DNAH8: variants seen among roughly 807,000 people sequenced by gnomAD.
The protein encoded by DNAH8 is axonemal beta dynein heavy chain 8.
Under a neutral mutation model 562.1 loss-of-function variants are expected in DNAH8, and 382 were observed. The observed-to-expected ratio is 0.68, with a 90% CI of 0.63 to 0.74. The LOEUF (loss-of-function observed/expected upper bound fraction) is 0.74. Among genes scored for constraint, DNAH8 ranks in the 30% least tolerant of loss-of-function variants. The pLI is 0.00. For missense variants in DNAH8, 5,203 were observed against 5,620.4 expected, an observed-to-expected ratio of 0.93 and a Z score of 2.37; for synonymous variants, 1,881 against 1,919.4, an observed-to-expected ratio of 0.98 and a Z score of 0.52.
intron 1 of DNAH8, among the ~76,000 whole-genome samples, chr6:38,715,956 ATATATTTTT>A (rs1243568328): frequency 3.7e-5 from 1 of 27,022 alleles, no homozygotes; most frequent in Admixed American, 5.9e-4. Context: ...ATATATATAT[ATATATTTTT>A]TTTTTTTTTT....
rs1371541132 is a variant in DNAH8 at position 38,874,060 on chromosome 6, TTC to T, written c.7620+686_7620+687del. Among the ~76,000 whole-genome samples the T allele has an allele frequency of 1.8e-3, 45 of 25,168 alleles. 7 individuals are homozygous for T. The highest frequency in any genetic ancestry group is 7.0e-3 in the African/African-American group (39 of 5,550). 16.5% of individuals were successfully genotyped at this position (25,168 alleles called of 152,430 possible). On this transcript the variant is annotated intron_variant, in intron 52 of 92. Coordinates refer to ENST00000327475, the MANE Select transcript of DNAH8 (RefSeq NM_001206927.2). Reference sequence around the variant, plus strand: ...TTCTTTTCTTTCTTTCTTTCTTTCTTTCTTTCTTTTTCTTTCTTTCTTTCTTT... The same window carrying T: ...TTCTTTTCTTTCTTTCTTTCTTTCTTTTTCTTTTTCTTTCTTTCTTTCTTT...
intron 82 of DNAH8, among the ~76,000 whole-genome samples, chr6:38,957,316 G>T (rs376902768): frequency 6.5e-4 from 97 of 148,490 alleles, no homozygotes; most frequent in Non-Finnish European, 9.2e-4. Context: ...TATAATAAAA[G>T]ATATAATTAA....
chr6:38,761,660 C>T (rs373655787), intron 10 of DNAH8, 42 bp from the exon 11 acceptor site: 9 of 1,122,244 alleles, frequency 8.0e-6, no homozygotes, highest in Non-Finnish European at 1.1e-5. Context: ...AATGTTATTT[C>T]TCTTTTTACA....
chr6:38,835,318 C>CAAAA (rs35817690), intron 32 of DNAH8, among the ~76,000 whole-genome samples: 2 of 134,286 alleles, frequency 1.5e-5, no homozygotes, highest in East Asian at 2.1e-4. Context: ...TCTTAGTAAT[C>CAAAA]AAAAAAAAAA....
intron 3 of DNAH8, among the ~76,000 whole-genome samples, chr6:38,724,668 C>A (rs1222194634): frequency 1.3e-5 from 2 of 152,072 alleles, no homozygotes; most frequent in African/African-American, 4.8e-5. Flanking sequence ...ATGCGGTCAC[C>A]CTAATTATAG....
chr6:38,829,533 A>T (rs1773655185), intron 30 of DNAH8, among the ~76,000 whole-genome samples: 1 of 152,200 alleles, frequency 6.6e-6, no homozygotes, highest in Non-Finnish European at 1.5e-5. Flanking sequence ...TAGGGATTCG[A>T]CTTCATATAA....
chr6:38,787,551 C>G (rs1769285233), intron 18 of DNAH8, among the ~76,000 whole-genome samples: 1 of 151,880 alleles, frequency 6.6e-6, no homozygotes, highest in Admixed American at 6.6e-5. Flanking sequence ...CATGACGAAA[C>G]TGGGTGTGGT....
chr6:38,833,126 G>C lies in DNAH8; in HGVS notation c.4302+691G>C, dbSNP rs1773987696. ...AACTGGTATTCTGACTGATAATGTT[G>C]ACCTTGAAGTTAAACTCAAGACTGA... is the stretch of plus-strand genomic sequence containing the variant. On this transcript the variant is annotated intron_variant, in intron 31 of 92. Transcript: ENST00000327475. Among the ~76,000 whole-genome samples the C allele has an allele frequency of 3.3e-5, 5 of 152,120 alleles. No individual in the cohort carries two copies. The South Asian group carries it at 1.0e-3, about 32-fold the overall frequency.
intron 33 of DNAH8, among the ~76,000 whole-genome samples, chr6:38,838,777 C>T (rs1327216943): frequency 6.6e-6 from 1 of 152,132 alleles, no homozygotes; most frequent in Non-Finnish European, 1.5e-5. Flanking sequence ...GATTGACGTC[C>T]AAATAAGCTA....
intron 82 of DNAH8, among the ~76,000 whole-genome samples, chr6:38,963,247 CT>C (rs1352443567): frequency 8.7e-5 from 8 of 91,692 alleles, no homozygotes; most frequent in African/African-American, 3.6e-4. Flanking sequence ...ACTGGGAGTC[CT>C]TTTTCTTTTT....
chr6:38,865,002 C>T (rs862423), intron 45 of DNAH8, among the ~76,000 whole-genome samples: 9,937 of 152,170 alleles, frequency 0.065, 1,008 homozygotes, highest in African/African-American at 0.22. Flanking sequence ...AGGTCCTATA[C>T]GAAAGAATTG....
intron 87 of DNAH8, 22 bp downstream of exon 87, chr6:38,984,329 A>C (rs1764226762): frequency 2.7e-6 from 4 of 1,485,522 alleles, no homozygotes; most frequent in Non-Finnish European, 3.8e-6. Flanking sequence ...TAGAAAAATA[A>C]AGTTTGGAGA....
intron 88 of DNAH8, among the ~76,000 whole-genome samples, chr6:38,999,833 T>C: frequency 1.3e-5 from 2 of 151,528 alleles, no homozygotes; most frequent in East Asian, 3.9e-4. Flanking sequence ...TATTGTCATA[T>C]TATATAATAG....
rs1437501910 is a variant in DNAH8 at position 38,864,104 on chromosome 6, TACAG to T, written c.6498+48_6498+51del. On this transcript the variant is annotated intron_variant, in intron 45 of 92. Coordinates refer to ENST00000327475, the MANE Select transcript of DNAH8 (RefSeq NM_001206927.2). ...AATGCAATTTAATTAGTTTAATTGT[TACAG>T]ACATAAATAAAACAAAGCATGTGTT... The T allele has an allele frequency of 1.9e-6, 3 of 1,558,708 alleles. No homozygotes were observed. In the East Asian group the frequency reaches 6.8e-5, roughly 35 times the overall value.
rs1583240114 is a variant in DNAH8, at chr6:38,874,032, C to CTT, written c.7620+659_7620+660dup. Among the ~76,000 whole-genome samples, 18 of 81,232 alleles carry CTT rather than the reference C, an allele frequency of 2.2e-4. No individual in the cohort carries two copies. In the East Asian group the frequency reaches 9.1e-3, roughly 41 times the overall value. The allele number at this position is 81,232 out of a possible 152,430, so 53.3% of individuals were successfully genotyped here. ...TCCTTTCCTCTTTCTTTCCCTTTTT[C>CTT]TTTTCTTTTCTTTCTTTCTTTCTTT... On this transcript the variant is annotated intron_variant, in intron 52 of 92. Coordinates refer to ENST00000327475, the MANE Select transcript of DNAH8 (RefSeq NM_001206927.2).
rs568146312 is a variant in DNAH8 at position 38,846,081 on chromosome 6, T to C, written c.5045+308T>C. On this transcript the variant is annotated intron_variant, in intron 36 of 92. Coordinates refer to ENST00000327475, the MANE Select transcript of DNAH8 (RefSeq NM_001206927.2). ...TGAGATGACCTCTTCATTTCATCTTTTCTCTCCTTTGTTCCTCTGACATCA... is the reference window on the plus strand; with the variant it reads ...TGAGATGACCTCTTCATTTCATCTTCTCTCTCCTTTGTTCCTCTGACATCA... Among the ~76,000 whole-genome samples the C allele has an allele frequency of 1.7e-4, 10 of 59,324 alleles. No homozygotes were observed. In the East Asian group the frequency reaches 4.1e-3, roughly 24 times the overall value. The allele number at this position is 59,324 out of a possible 152,430, so 38.9% of individuals were successfully genotyped here.
chr6:38,853,891 G>GA (rs1202536213), intron 41 of DNAH8, among the ~76,000 whole-genome samples: 1 of 152,066 alleles, frequency 6.6e-6, no homozygotes, highest in East Asian at 1.9e-4. Context: ...CACTGAAAGT[G>GA]AAAAACAGAA....
rs746995476 is a variant in DNAH8, at chr6:38,851,581, G to C, written c.5373G>C (p.Glu1791Asp). Residue 1791 changes from glutamate (E) to aspartate (D), a missense_variant, in exon 39 of 93, where the codon GAG becomes GAC. By Grantham distance (45) the Glu-to-Asp change is conservative. Coordinates refer to ENST00000327475, the MANE Select transcript of DNAH8 (RefSeq NM_001206927.2). ...VCQKSLTGYLEKKRLLFPRFF... is the reference protein window; with the variant it reads ...VCQKSLTGYLDKKRLLFPRFF... ...TCGACTTTATTTGAAGGTATTTGGA[G>C]AAGAAACGATTACTGTTTCCAAGAT... is the stretch of plus-strand genomic sequence containing the variant. 1 of 1,601,586 alleles carries C rather than the reference G, an allele frequency of 6.2e-7. No homozygotes were observed. Among genetic ancestry groups the C allele is most frequent in the South Asian group, 1.1e-5 (1 of 87,960 alleles).
At chr6:38,790,571 TC>T (rs1769636287) in intron 20 of DNAH8, among the ~76,000 whole-genome samples, 166 bp downstream of exon 20, 1 of 152,152 alleles carries the variant, frequency 6.6e-6, no homozygotes, top group African/African-American at 2.4e-5. Flanking sequence ...ACACCTGTAA[TC>T]CCAGCACTTT....
Sources: gnomAD v4.1 joint callset for allele counts (sites outside exome capture counted in the v4.1 genomes callset) on GRCh38, gnomAD v4.1.1 for gene constraint, MANE v1.5 for transcripts, NCBI Gene and HGNC (gene_info 2026-07-23, HGNC 2026-07-21) for gene names.